Variants in PTTG1IP2 observed in about 807,000 individuals in gnomAD.
PTTG1IP2 encodes PTTG1IP family member 2.
intron 2 of PTTG1IP2, among the ~76,000 whole-genome samples, chr7:90,486,211 G>A (rs931540905): frequency 6.6e-6 from 1 of 152,114 alleles, no homozygotes; most frequent in Non-Finnish European, 1.5e-5. Flanking sequence ...TACAGGATTG[G>A]TTACCAGCAC....
intron 6 of PTTG1IP2, among the ~76,000 whole-genome samples, chr7:90,498,768 T>C (rs189604548): frequency 1.8e-4 from 27 of 152,364 alleles, no homozygotes; most frequent in African/African-American, 6.0e-4. Context: ...GTGGAGGATA[T>C]ATAAGCTATT....
At chr7:90,498,028 C>T (rs1209606009) in intron 6 of PTTG1IP2, among the ~76,000 whole-genome samples, 1 of 150,564 alleles carries the variant, frequency 6.6e-6, no homozygotes, top group East Asian at 2.0e-4. Context: ...TGAATGAACC[C>T]CCCCTTTTTT....
chr7:90,507,341 A>G (rs12113813), intron 6 of PTTG1IP2, among the ~76,000 whole-genome samples: 32,305 of 152,086 alleles, frequency 0.21, 3,559 homozygotes, highest in African/African-American at 0.25. Flanking sequence ...TTGAGGAGTT[A>G]GGGTGGAGTG....
At chr7:90,485,892 A>G (rs1797869841) in intron 2 of PTTG1IP2, among the ~76,000 whole-genome samples, 1 of 152,146 alleles carries the variant, frequency 6.6e-6, no homozygotes, top group Non-Finnish European at 1.5e-5. Context: ...GAGTACTAAC[A>G]ACCAAGGCCA....
At chr7:90,500,514 C>T (rs993082620) in intron 6 of PTTG1IP2, among the ~76,000 whole-genome samples, 13 of 152,136 alleles carry the variant, frequency 8.5e-5, no homozygotes, top group African/African-American at 2.4e-4. Context: ...TAGGCTCCAA[C>T]GCAGAGACTT....
At chr7:90,500,670 G>T (rs746109633) in intron 6 of PTTG1IP2, among the ~76,000 whole-genome samples, 2 of 152,202 alleles carry the variant, frequency 1.3e-5, no homozygotes, top group Non-Finnish European at 2.9e-5. Context: ...CTGGAACTGG[G>T]ATTTCCTTTT....
At chr7:90,500,078 G>A (rs568188103) in intron 6 of PTTG1IP2, among the ~76,000 whole-genome samples, 1 of 152,112 alleles carries the variant, frequency 6.6e-6, no homozygotes, top group African/African-American at 2.4e-5. Context: ...GCCGGACTTG[G>A]TGGTGTGCAC....
chr7:90,506,868 A>G (rs1798129883), intron 6 of PTTG1IP2, among the ~76,000 whole-genome samples: 1 of 152,030 alleles, frequency 6.6e-6, no homozygotes, highest in African/African-American at 2.4e-5. Context: ...CATTAAGTTC[A>G]AGATTCATTT....
At chr7:90,497,425 G>A (rs1182711744) in intron 6 of PTTG1IP2, among the ~76,000 whole-genome samples, 2 of 151,854 alleles carry the variant, frequency 1.3e-5, no homozygotes, top group African/African-American at 4.8e-5. Context: ...TTAGCCGGGC[G>A]TGGCGGCGGG....
At chr7:90,489,303 C>G (rs966157288) in intron 4 of PTTG1IP2, among the ~76,000 whole-genome samples, 1 of 151,538 alleles carries the variant, frequency 6.6e-6, no homozygotes, top group African/African-American at 2.4e-5. Flanking sequence ...CTATTGACCC[C>G]CAATCATTAA....
chr7:90,504,611 G>A (rs1357141573), intron 6 of PTTG1IP2, among the ~76,000 whole-genome samples: 1 of 152,166 alleles, frequency 6.6e-6, no homozygotes, highest in African/African-American at 2.4e-5. Context: ...GCCAGATTTG[G>A]TTTGGGAGTC....
rs555122442 is a variant in PTTG1IP2, at chr7:90,477,141, G to C, written c.146-2087G>C. ...TAAGAGAGCTAGGAGAAATGATACAGAAGTCACGAAAAATGTAATCAAGAG... is the reference window on the plus strand; with the variant it reads ...TAAGAGAGCTAGGAGAAATGATACACAAGTCACGAAAAATGTAATCAAGAG... On this transcript the variant is annotated intron_variant, in intron 1 of 6. Transcript: ENST00000509356. Among the ~76,000 whole-genome samples the C allele has an allele frequency of 4.9e-4, 75 of 152,228 alleles. 1 individual carries two copies. In the East Asian group the frequency reaches 8.5e-3, roughly 17 times the overall value.
At chr7:90,499,876 C>T (rs1300801804) in intron 6 of PTTG1IP2, among the ~76,000 whole-genome samples, 1 of 152,126 alleles carries the variant, frequency 6.6e-6, no homozygotes, top group Non-Finnish European at 1.5e-5. Flanking sequence ...AGCCACTGCA[C>T]CTGGCCAGTG....
At chr7:90,495,568 C>T (rs1027797687) in intron 6 of PTTG1IP2, among the ~76,000 whole-genome samples, 7 of 152,196 alleles carry the variant, frequency 4.6e-5, no homozygotes, top group African/African-American at 1.7e-4. Context: ...AGGTCTCTAG[C>T]TAGAGGCACA....
chr7:90,508,566 T>A (rs12704546), intron 6 of PTTG1IP2, among the ~76,000 whole-genome samples: 58,950 of 151,934 alleles, frequency 0.39, 12,714 homozygotes, highest in Non-Finnish European at 0.5. Flanking sequence ...GTAAATAAAT[T>A]CTGCTATTCA....
intron 4 of PTTG1IP2, among the ~76,000 whole-genome samples, chr7:90,490,502 C>T (rs1046788824): frequency 2.0e-5 from 3 of 150,210 alleles, no homozygotes; most frequent in African/African-American, 7.3e-5. Flanking sequence ...TCAACTTGGT[C>T]AGGAACTTTG....
At chr7:90,487,497 A>G (rs529271540) in intron 3 of PTTG1IP2, 77 bp downstream of exon 3, 1 of 152,748 alleles carries the variant, frequency 6.5e-6, no homozygotes, top group South Asian at 2.1e-4. Flanking sequence ...CTACATTTGA[A>G]GGATTATAAA....
chr7:90,493,690 A>G (rs1309706531), intron 5 of PTTG1IP2, among the ~76,000 whole-genome samples: 1 of 152,206 alleles, frequency 6.6e-6, no homozygotes, highest in Non-Finnish European at 1.5e-5. Flanking sequence ...GAATGCCTAC[A>G]TTAAAGGCTT....
chr7:90,490,410 A>C (rs1025184351), intron 4 of PTTG1IP2, among the ~76,000 whole-genome samples: 1 of 151,194 alleles, frequency 6.6e-6, no homozygotes, highest in African/African-American at 2.4e-5. Flanking sequence ...TAAAAAGATA[A>C]GGTAAGTCAC....
Sources: gnomAD v4.1 joint callset for allele counts (sites outside exome capture counted in the v4.1 genomes callset) on GRCh38, gnomAD v4.1.1 for gene constraint, MANE v1.5 for transcripts, NCBI Gene and HGNC (gene_info 2026-07-23, HGNC 2026-07-21) for gene names.